Variants in SORCS1 observed in about 807,000 individuals in gnomAD.
SORCS1 encodes VPS10 domain-containing receptor SorCS1.
In SORCS1, 60 loss-of-function variants were observed where a neutral mutation model predicts 146.1. The ratio of observed to expected loss-of-function variants is 0.41; its 90% CI spans 0.33 to 0.51. The LOEUF (loss-of-function observed/expected upper bound fraction) is 0.51. Ranked by LOEUF, SORCS1 falls within the 20% of genes least tolerant of loss-of-function variation. The pLI, the probability that SORCS1 is intolerant of heterozygous loss-of-function variation, is 0.21. For synonymous variants in SORCS1, 637 were observed against 584.0 expected (o/e 1.09, Z -1.31); for missense variants, 1,352 against 1,487.6 (o/e 0.91, Z 1.50).
intron 2 of SORCS1, among the ~76,000 whole-genome samples, chr10:106,930,465 C>T (rs1286924595): frequency 6.6e-6 from 1 of 152,116 alleles, no homozygotes. Flanking sequence ...TTTGCAGAAC[C>T]CTCAGCTCTC....
chr10:106,848,043 G>GA (rs1204588821), intron 2 of SORCS1, among the ~76,000 whole-genome samples: 1 of 125,748 alleles, frequency 8.0e-6, no homozygotes, highest in Non-Finnish European at 1.7e-5. Flanking sequence ...GTGTGGTGCT[G>GA]AAAAAAATGT....
At chr10:106,824,453 G>A (rs1023166032) in intron 3 of SORCS1, among the ~76,000 whole-genome samples, 3 of 151,988 alleles carry the variant, frequency 2.0e-5, no homozygotes, top group Non-Finnish European at 4.4e-5. Flanking sequence ...AGCTGGGTGT[G>A]GTAGTAGACG....
chr10:107,078,748 C>T (rs1963091485), intron 1 of SORCS1, among the ~76,000 whole-genome samples: 1 of 152,194 alleles, frequency 6.6e-6, no homozygotes, highest in African/African-American at 2.4e-5. Context: ...AAAACTACAA[C>T]CCATATTTCC....
intron 1 of SORCS1, among the ~76,000 whole-genome samples, chr10:106,961,325 A>G (rs1489091159): frequency 1.3e-5 from 2 of 152,222 alleles, no homozygotes; most frequent in Non-Finnish European, 2.9e-5. Context: ...TTAACATAAA[A>G]TATAATTTAG....
intron 2 of SORCS1, among the ~76,000 whole-genome samples, chr10:106,889,905 A>AG (rs1355726334): frequency 2.6e-5 from 4 of 151,234 alleles, no homozygotes; most frequent in Non-Finnish European, 4.4e-5. Flanking sequence ...AAAAAAAAAA[A>AG]AAAAAAGCAC....
Position 106,853,880 on chromosome 10 carries a change from T to C in SORCS1, c.627-24207A>G, listed in dbSNP as rs112949474. Among the ~76,000 whole-genome samples, 593 of 152,204 alleles carry C rather than the reference T, an allele frequency of 3.9e-3. 9 individuals are homozygous for C. Among genetic ancestry groups the C allele is most frequent in the African/African-American group, 0.014 (576 of 41,564 alleles). ...GTGTTTTATGGTTCAGAAAGTGGTC[T>C]GTCTTAGCAAATTTTCCATGTGATC... On this transcript the variant is annotated intron_variant, in intron 2 of 25. Transcript: ENST00000263054.
At position 106,668,959 on chromosome 10, in the gene SORCS1, C is replaced by G. The variant is rs151118436; in HGVS notation, c.2190-1157G>C. On this transcript the variant is annotated intron_variant, in intron 16 of 25. Transcript: ENST00000263054. ...ACCGAAACTCCAGCTACCGGTAGAA[C>G]CCCAACAAGGTTGTGATGAGCCTTC... Among the ~76,000 whole-genome samples the G allele has an allele frequency of 1.2e-4, 18 of 152,234 alleles. No individual in the cohort carries two copies. In the East Asian group the frequency reaches 1.9e-3, roughly 16 times the overall value.
chr10:107,170,601 G>A, the SORCS1 span, among the ~76,000 whole-genome samples: 1 of 152,188 alleles, frequency 6.6e-6, no homozygotes, highest in South Asian at 2.1e-4. Flanking sequence ...AGTAGCCACT[G>A]AAAAACAAGG....
At chr10:106,785,059 A>G (rs1393552879) in intron 3 of SORCS1, among the ~76,000 whole-genome samples, 2 of 152,192 alleles carry the variant, frequency 1.3e-5, no homozygotes, top group East Asian at 3.9e-4. Context: ...GGAGTTCAGG[A>G]AATGCCACCC....
At chr10:106,590,058 A>G (rs924039180) in intron 24 of SORCS1, among the ~76,000 whole-genome samples, 4 of 152,166 alleles carry the variant, frequency 2.6e-5, no homozygotes, top group African/African-American at 9.7e-5. Context: ...CCCTCAGTAA[A>G]TATACTAATT....
chr10:107,081,530 T>C (rs1963336317), intron 1 of SORCS1, among the ~76,000 whole-genome samples: 1 of 152,234 alleles, frequency 6.6e-6, no homozygotes, highest in Non-Finnish European at 1.5e-5. Flanking sequence ...GACCCTTGAA[T>C]GCTGCTTTCT....
At chr10:106,828,717 T>G (rs930360857) in intron 3 of SORCS1, among the ~76,000 whole-genome samples, 3 of 152,196 alleles carry the variant, frequency 2.0e-5, no homozygotes, top group African/African-American at 7.2e-5. Flanking sequence ...AATGCAAGTT[T>G]ATGAAAATAA....
At chr10:106,666,071 A>T (rs912446191) in intron 17 of SORCS1, among the ~76,000 whole-genome samples, 1 of 152,110 alleles carries the variant, frequency 6.6e-6, no homozygotes, top group Non-Finnish European at 1.5e-5. Flanking sequence ...CGATCTCCTG[A>T]CCTTGTGATC....
chr10:106,612,093 AT>A, intron 21 of SORCS1, 70 bp from the exon 22 acceptor site: 1 of 1,238,312 alleles, frequency 8.1e-7, no homozygotes, highest in Non-Finnish European at 1.2e-6. Flanking sequence ...TAGACTTTAT[AT>A]TTTATACAAA....
intron 1 of SORCS1, among the ~76,000 whole-genome samples, chr10:107,150,259 C>T (rs749575569): frequency 2.6e-5 from 4 of 152,172 alleles, no homozygotes; most frequent in Non-Finnish European, 4.4e-5. Context: ...CATGCCCATG[C>T]TAAAAATTCA....
chr10:107,085,858 A>T (rs1291436771), intron 1 of SORCS1, among the ~76,000 whole-genome samples: 1 of 152,218 alleles, frequency 6.6e-6, no homozygotes, highest in Non-Finnish European at 1.5e-5. Flanking sequence ...TGCATTGAAG[A>T]CACTAGCTCT....
chr10:106,799,723 A>C (rs1331939499), intron 3 of SORCS1, among the ~76,000 whole-genome samples: 1 of 152,230 alleles, frequency 6.6e-6, no homozygotes, highest in East Asian at 1.9e-4. Flanking sequence ...TTAAAAAGTC[A>C]GGAAACAACA....
intron 2 of SORCS1, among the ~76,000 whole-genome samples, chr10:106,911,738 C>T (rs1015580587): frequency 2.0e-5 from 3 of 152,090 alleles, no homozygotes; most frequent in Non-Finnish European, 4.4e-5. Flanking sequence ...TTCTCAATGC[C>T]AATAACTGGG....
At chr10:106,695,182 C>T (rs1853603685) in intron 9 of SORCS1, among the ~76,000 whole-genome samples, 1 of 152,112 alleles carries the variant, frequency 6.6e-6, no homozygotes, top group Non-Finnish European at 1.5e-5. Context: ...TACATCCACC[C>T]GACAAGACTG....
Sources: gnomAD v4.1 joint callset for allele counts (sites outside exome capture counted in the v4.1 genomes callset) on GRCh38, gnomAD v4.1.1 for gene constraint, MANE v1.5 for transcripts, NCBI Gene and HGNC (gene_info 2026-07-23, HGNC 2026-07-21) for gene names.